OOSP3: variants seen among roughly 807,000 people sequenced by gnomAD.
OOSP3 encodes the protein oocyte secreted protein family member 3, also known as oocyte-secreted protein 3.
intron 2 of OOSP3, among the ~76,000 whole-genome samples, chr11:59,883,707 C>T (rs866829983): frequency 6.6e-6 from 1 of 152,120 alleles, no homozygotes; most frequent in Non-Finnish European, 1.5e-5. Context: ...AGCTTCAATG[C>T]GAAACTTTTT....
At chr11:59,891,338 T>C (rs1853310541) in intron 2 of OOSP3, among the ~76,000 whole-genome samples, 1 of 152,192 alleles carries the variant, frequency 6.6e-6, no homozygotes, top group African/African-American at 2.4e-5. Flanking sequence ...TTGTAATCAT[T>C]TGGAGGGGAA....
At chr11:59,885,735 G>A (rs1853250161) in intron 2 of OOSP3, among the ~76,000 whole-genome samples, 1 of 152,024 alleles carries the variant, frequency 6.6e-6, no homozygotes, top group Non-Finnish European at 1.5e-5. Context: ...GGGCATTTGG[G>A]TTGGAAGTTT....
At chr11:59,880,644 C>T (rs1165385705) in intron 2 of OOSP3, among the ~76,000 whole-genome samples, 1 of 152,134 alleles carries the variant, frequency 6.6e-6, no homozygotes, top group Non-Finnish European at 1.5e-5. Flanking sequence ...AATACTTCAA[C>T]ATATATAGTA....
chr11:59,891,023 A>G (rs1853307292), intron 2 of OOSP3, among the ~76,000 whole-genome samples: 1 of 152,034 alleles, frequency 6.6e-6, no homozygotes, highest in Non-Finnish European at 1.5e-5. Flanking sequence ...TTCACAATAT[A>G]TTCTTCAAGC....
intron 2 of OOSP3, among the ~76,000 whole-genome samples, chr11:59,892,109 A>G (rs1009594921): frequency 7.2e-5 from 11 of 152,210 alleles, no homozygotes; most frequent in African/African-American, 2.7e-4. Flanking sequence ...TGACCTGAGC[A>G]GCTGTCATGA....
chr11:59,896,210 C>G (rs1454770114), exon 5 of OOSP3: 4 of 398,404 alleles, frequency 1.0e-5, no homozygotes, highest in Admixed American at 4.4e-5. Flanking sequence ...TAGCTATATT[C>G]TAGGTTCTTC....
At chr11:59,881,983 C>T (rs1853206156) in intron 2 of OOSP3, among the ~76,000 whole-genome samples, 1 of 152,218 alleles carries the variant, frequency 6.6e-6, no homozygotes, top group Non-Finnish European at 1.5e-5. Flanking sequence ...TTCTGATTTC[C>T]TTCAATATGC....
chr11:59,895,451 A>G, intron 3 of OOSP3, 51 bp from the exon 4 acceptor site: 1 of 397,808 alleles, frequency 2.5e-6, no homozygotes, highest in Non-Finnish European at 4.4e-6. Flanking sequence ...TGGTTTGTTT[A>G]TTTTTAAATG....
At chr11:59,882,076 A>G (rs964865710) in intron 2 of OOSP3, among the ~76,000 whole-genome samples, 1 of 152,182 alleles carries the variant, frequency 6.6e-6, no homozygotes. Flanking sequence ...CCATATTTCA[A>G]AGTATGACTT....
chr11:59,878,854 A>G, exon 1 of OOSP3: 1 of 398,370 alleles, frequency 2.5e-6, no homozygotes, highest in Non-Finnish European at 4.4e-6. Flanking sequence ...TTTGTGCACG[A>G]TTTTGACTCT....
chr11:59,892,958 A>G (rs1274833899), intron 2 of OOSP3, among the ~76,000 whole-genome samples: 2 of 152,222 alleles, frequency 1.3e-5, no homozygotes, highest in African/African-American at 4.8e-5. Context: ...GTTGAATTTG[A>G]TAATTTCTGC....
intron 4 of OOSP3, 132 bp from the exon 5 acceptor site, chr11:59,896,001 T>C: frequency 2.5e-6 from 1 of 396,178 alleles, no homozygotes; most frequent in Admixed American, 4.4e-5. Flanking sequence ...AACCCTTCCC[T>C]CTAATCCCTG....
chr11:59,893,426 C>G (rs924274558), intron 2 of OOSP3, among the ~76,000 whole-genome samples: 15 of 152,152 alleles, frequency 9.9e-5, no homozygotes, highest in Admixed American at 8.5e-4. Flanking sequence ...ATGATTACAG[C>G]ATGATCACAG....
At chr11:59,885,889 T>G (rs189489825) in intron 2 of OOSP3, among the ~76,000 whole-genome samples, 42 of 152,212 alleles carry the variant, frequency 2.8e-4, no homozygotes, top group African/African-American at 9.9e-4. Flanking sequence ...TATTTTAATT[T>G]TTTAAAATTT....
chr11:59,895,406 G>T, intron 3 of OOSP3, 96 bp from the exon 4 acceptor site: 1 of 393,044 alleles, frequency 2.5e-6, no homozygotes, highest in Middle Eastern at 6.4e-4. Context: ...TAAAGTAGAA[G>T]GAAAAAAAAT....
chr11:59,887,596 C>T (rs1447895592), intron 2 of OOSP3, among the ~76,000 whole-genome samples: 2 of 152,140 alleles, frequency 1.3e-5, no homozygotes, highest in Non-Finnish European at 2.9e-5. Context: ...TGTCAAAGAT[C>T]AGATGGTTGT....
Position 59,894,685 on chromosome 11 carries a change from G to A in OOSP3, c.350+509G>A, listed in dbSNP as rs574462663. Among the ~76,000 whole-genome samples, 639 of 152,198 alleles carry A rather than the reference G, an allele frequency of 4.2e-3. 7 individuals carry two copies. The highest frequency in any genetic ancestry group is 0.015 in the African/African-American group (629 of 41,518). ...GGAACACTTCTATAATAAATCACCT[G>A]CACATAAATATCCTTGCCAAGTCCT... On this transcript the variant is annotated intron_variant, in intron 3 of 4. Coordinates refer to ENST00000646438, the Ensembl canonical transcript of OOSP3.
chr11:59,882,071 T>C (rs1480002709), intron 2 of OOSP3, among the ~76,000 whole-genome samples: 1 of 152,206 alleles, frequency 6.6e-6, no homozygotes, highest in Non-Finnish European at 1.5e-5. Flanking sequence ...TTTTCCCATA[T>C]TTCAAAGTAT....
intron 2 of OOSP3, among the ~76,000 whole-genome samples, chr11:59,890,463 G>A (rs75111056): frequency 0.01 from 1,585 of 152,238 alleles, 30 homozygotes; most frequent in African/African-American, 0.035. Context: ...CTCTTGCAAG[G>A]AAGGCCTTCT....
Sources: allele counts gnomAD v4.1 joint callset (sites outside exome capture counted in the v4.1 genomes callset), GRCh38; gene constraint gnomAD v4.1.1; transcripts MANE v1.5; gene names NCBI Gene and HGNC (gene_info 2026-07-23, HGNC 2026-07-21).